Variants in P2RY12 observed in about 807,000 individuals in gnomAD.
P2RY12 encodes the protein P2Y purinoceptor 12.
In P2RY12, 3 loss-of-function variants were observed where a neutral mutation model predicts 4.5. The observed-to-expected ratio is 0.67, with a 90% CI of 0.31 to 1.74. P2RY12 has a LOEUF of 1.74. P2RY12 is among the 40% of genes most tolerant of loss of function. P2RY12 has a pLI of 0.09. For synonymous variants in P2RY12, 148 were observed against 154.1 expected (o/e 0.96, Z 0.29); for missense variants, 356 against 407.8 (o/e 0.87, Z 1.09).
At chr3:151,339,953 T>G (rs1577373030) in intron 2 of P2RY12, among the ~76,000 whole-genome samples, 1 of 152,124 alleles carries the variant, frequency 6.6e-6, no homozygotes, top group Admixed American at 6.6e-5. Context: ...TAACAAATTT[T>G]AAAAAATAAC....
At chr3:151,339,431 TA>T (rs3975402) in intron 2 of P2RY12, among the ~76,000 whole-genome samples, 18,567 of 145,824 alleles carry the variant, frequency 0.13, 1,333 homozygotes, top group Middle Eastern at 0.18. Context: ...ACTGAATCAG[TA>T]AAAAAAAAAA....
At chr3:151,377,388 A>T (rs1399067838) in intron 1 of P2RY12, among the ~76,000 whole-genome samples, 1 of 152,178 alleles carries the variant, frequency 6.6e-6, no homozygotes, top group Non-Finnish European at 1.5e-5. Flanking sequence ...ACACCTTGAA[A>T]CTGCAGGTGA....
At chr3:151,355,029 A>G (rs1379116547) in intron 1 of P2RY12, 1 of 855,642 alleles carries the variant, frequency 1.2e-6, no homozygotes, top group Non-Finnish European at 1.9e-6. Context: ...ACTTTTCTGT[A>G]TGTATGCTAT....
chr3:151,347,528 C>T (rs1001355060), intron 1 of P2RY12, among the ~76,000 whole-genome samples: 1 of 152,080 alleles, frequency 6.6e-6, no homozygotes, highest in African/African-American at 2.4e-5. Context: ...ACTGGAGTGA[C>T]AGAGTGAGGG....
intron 1 of P2RY12, among the ~76,000 whole-genome samples, chr3:151,344,706 A>G (rs989360471): frequency 6.6e-6 from 1 of 152,224 alleles, no homozygotes; most frequent in Non-Finnish European, 1.5e-5. Context: ...GGACAATTAC[A>G]TCCACTTCAT....
chr3:151,374,839 G>C (rs368302247), intron 1 of P2RY12, among the ~76,000 whole-genome samples: 83 of 152,178 alleles, frequency 5.5e-4, no homozygotes, highest in African/African-American at 2.0e-3. Context: ...ACTCAGAGAT[G>C]TGTCTCCCTC....
chr3:151,373,918 G>T (rs930477838), intron 1 of P2RY12, among the ~76,000 whole-genome samples: 1 of 152,044 alleles, frequency 6.6e-6, no homozygotes, highest in Non-Finnish European at 1.5e-5. Flanking sequence ...CATGGTTATG[G>T]AGTATCATTA....
intron 1 of P2RY12, among the ~76,000 whole-genome samples, chr3:151,347,631 G>A (rs562318796): frequency 1.3e-5 from 2 of 152,238 alleles, no homozygotes; most frequent in East Asian, 3.9e-4. Context: ...GCAAAGGGAG[G>A]AAGTGCCCTG....
intron 1 of P2RY12, chr3:151,384,292 T>C: frequency 7.2e-7 from 1 of 1,379,566 alleles, no homozygotes; most frequent in Non-Finnish European, 9.9e-7. Flanking sequence ...TTTAATTTAT[T>C]ACTCATTAAA....
intron 1 of P2RY12, chr3:151,360,428 A>G (rs9856118): frequency 0.14 from 226,705 of 1,576,494 alleles, 18,341 homozygotes; most frequent in Non-Finnish European, 0.17. Context: ...GATAACCCAC[A>G]TAGTACAAAT....
chr3:151,380,286 C>A, intron 1 of P2RY12: 1 of 1,121,156 alleles, frequency 8.9e-7, no homozygotes, highest in Non-Finnish European at 1.3e-6. Flanking sequence ...ATTTATTTGC[C>A]TTTCAAATAC....
chr3:151,370,301 T>C (rs1756016566), intron 1 of P2RY12, among the ~76,000 whole-genome samples: 1 of 152,192 alleles, frequency 6.6e-6, no homozygotes, highest in Non-Finnish European at 1.5e-5. Flanking sequence ...CTTTTGGTCT[T>C]GACTCTTATG....
chr3:151,371,016 G>A (rs959149790), intron 1 of P2RY12, among the ~76,000 whole-genome samples: 4 of 152,204 alleles, frequency 2.6e-5, no homozygotes, highest in African/African-American at 9.6e-5. Flanking sequence ...ACGCTCAAAT[G>A]TATTCTATTG....
intron 1 of P2RY12, chr3:151,378,043 G>A: frequency 6.2e-7 from 1 of 1,610,164 alleles, no homozygotes; most frequent in South Asian, 1.1e-5. Flanking sequence ...ATGGTTGGTG[G>A]CCCCCCTCAT....
intron 2 of P2RY12, among the ~76,000 whole-genome samples, chr3:151,339,893 G>A (rs895467948): frequency 5.7e-4 from 87 of 152,106 alleles, no homozygotes; most frequent in Non-Finnish European, 8.1e-4. Context: ...AAGTGAAATT[G>A]ATTCTATATA....
chr3:151,341,090 G>A (rs1751762167), intron 1 of P2RY12, among the ~76,000 whole-genome samples: 1 of 152,104 alleles, frequency 6.6e-6, no homozygotes, highest in African/African-American at 2.4e-5. Flanking sequence ...TTGCTTTCTT[G>A]GGTGGTTAAT....
intron 1 of P2RY12, chr3:151,377,987 G>T (rs755489653): frequency 1.3e-6 from 2 of 1,574,516 alleles, no homozygotes; most frequent in East Asian, 4.6e-5. Flanking sequence ...GCTTTCTCCG[G>T]TGTAACACCT....
At chr3:151,341,262 C>T (rs1440651565) in intron 1 of P2RY12, among the ~76,000 whole-genome samples, 1 of 151,948 alleles carries the variant, frequency 6.6e-6, no homozygotes, top group East Asian at 1.9e-4. Context: ...TTGATTAACT[C>T]CTTTGTAGGT....
rs1328112567 is a variant in P2RY12 at position 151,365,216 on chromosome 3, G to A, written c.-180+19476C>T. The A allele has an allele frequency of 3.1e-6, 5 of 1,604,492 alleles. No homozygotes were observed. In the African/African-American group the frequency reaches 5.4e-5, roughly 17 times the overall value. ...ATCAGGATGCTGGCAGGTGAGATGG[G>A]TTACCCTGGAATTCATGATTAACCA... is the stretch of plus-strand genomic sequence containing the variant. On this transcript the variant is annotated intron_variant, in intron 1 of 2. Coordinates refer to ENST00000302632, the MANE Select transcript of P2RY12 (RefSeq NM_022788.5).
Sources: gnomAD v4.1 joint callset for allele counts (sites outside exome capture counted in the v4.1 genomes callset) on GRCh38, gnomAD v4.1.1 for gene constraint, MANE v1.5 for transcripts, NCBI Gene and HGNC (gene_info 2026-07-23, HGNC 2026-07-21) for gene names.